Variants in VSX2 observed in about 807,000 individuals in gnomAD.
VSX2 encodes the protein visual system homeobox 2, also known as ceh-10 homeo domain containing homolog.
Under a neutral mutation model 32.1 loss-of-function variants are expected in VSX2, and 28 were observed. That is an observed-to-expected ratio of 0.87 (90% CI 0.65 to 1.20). The LOEUF is 1.20. VSX2 is among the 50% of genes most tolerant of loss of function. VSX2 has a pLI of 0.00. For synonymous variants in VSX2, 243 were observed against 214.1 expected, an observed-to-expected ratio of 1.14 and a Z score of -1.18; for missense variants, 506 against 488.7, an observed-to-expected ratio of 1.04 and a Z score of -0.33.
intron 3 of VSX2, among the ~76,000 whole-genome samples, chr14:74,257,584 A>G (rs1023815116): frequency 6.6e-6 from 1 of 152,170 alleles, no homozygotes; most frequent in Non-Finnish European, 1.5e-5. Context: ...GTGGGATGCG[A>G]GGCTGGCGGG....
rs111731888 is a variant in VSX2 at position 74,248,357 on chromosome 14, A to C, written c.579+3069A>C. ...GCTAAAAAAAAAAAAAAAAACAAAA[A>C]AAACCAAAAACGAGACCCTGTCTTG... On this transcript the variant is annotated intron_variant, in intron 3 of 4. Transcript: ENST00000261980. 7.8e-4 allele frequency among the ~76,000 whole-genome samples: 81 copies of C among 103,840 alleles called. 3 individuals carry two copies. The highest frequency in any genetic ancestry group is 4.3e-3 in the East Asian group (15 of 3,528). 68.1% of individuals were successfully genotyped at this position (103,840 alleles called of 152,430 possible).
At chr14:74,249,646 T>G (rs1350791093) in intron 3 of VSX2, among the ~76,000 whole-genome samples, 1 of 152,170 alleles carries the variant, frequency 6.6e-6, no homozygotes, top group Non-Finnish European at 1.5e-5. Flanking sequence ...ATGAAGAAAC[T>G]GAGGGGCTGA....
chr14:74,242,677 G>A lies in VSX2; in HGVS notation c.455+1411G>A, dbSNP rs890228596. Among the ~76,000 whole-genome samples the A allele has an allele frequency of 2.3e-3, 323 of 141,600 alleles. 3 individuals carry two copies. Among genetic ancestry groups the A allele is most frequent in the Non-Finnish European group, 4.2e-4 (28 of 65,910 alleles). 92.9% of individuals were successfully genotyped at this position (141,600 alleles called of 152,430 possible). A position where few individuals can be genotyped will look rare whatever the true frequency, so the allele number is the denominator to read the frequency against. ...GAATATTCATTAAAACACTTTTTATGCACCCATCTTACGCGGGTCCCAGGG... is the reference window on the plus strand; with the variant it reads ...GAATATTCATTAAAACACTTTTTATACACCCATCTTACGCGGGTCCCAGGG... On this transcript the variant is annotated intron_variant, in intron 2 of 4. Coordinates refer to ENST00000261980, the MANE Select transcript of VSX2 (RefSeq NM_182894.3).
Position 74,260,813 on chromosome 14 carries a change from C to G in VSX2, c.980C>G (p.Pro327Arg). ...STKVLGTVSG[P>R]DSLARSTEKP... ...AAAGTGCTGGGGACTGTGTCTGGGC[C>G]GGACAGCCTGGCCCGGAGTACCGAG... is the stretch of plus-strand genomic sequence containing the variant. Residue 327 changes from proline (P) to arginine (R), a missense_variant, in exon 5 of 5, where the codon CCG (proline) becomes CGG (arginine). Pro to Arg is a moderately radical substitution (Grantham distance 103). Transcript: ENST00000261980. 1 of 1,569,716 alleles carries G rather than the reference C, an allele frequency of 6.4e-7. No individual in the cohort carries two copies. The highest frequency in any genetic ancestry group is 1.4e-5 in the African/African-American group (1 of 74,070).
chr14:74,259,929 T>C, intron 4 of VSX2, 147 bp downstream of exon 4: 1 of 903,698 alleles, frequency 1.1e-6, no homozygotes, highest in South Asian at 1.8e-5. Flanking sequence ...TCTTGGTCTA[T>C]CCTGGGGGAC....
At chr14:74,258,070 A>G (rs1268693367) in intron 3 of VSX2, among the ~76,000 whole-genome samples, 1 of 151,800 alleles carries the variant, frequency 6.6e-6, no homozygotes, top group Admixed American at 6.6e-5. Flanking sequence ...GGAAGGGGGA[A>G]AATCCTAAAC....
Position 74,239,950 on chromosome 14 carries a change from C to T in VSX2, c.370+19C>T, listed in dbSNP as rs750311986. 2 of 1,551,634 alleles carry T rather than the reference C, an allele frequency of 1.3e-6. No homozygotes were observed. Among genetic ancestry groups the T allele is most frequent in the Non-Finnish European group, 1.7e-6 (2 of 1,148,208 alleles). ...AGCTCGGGTAGGTGAGGAGAGGTTG[C>T]GCTGCTGCCTGACTGGGGGGCGACA... is the stretch of plus-strand genomic sequence containing the variant. On this transcript the variant is annotated intron_variant, in intron 1 of 4. Transcript: ENST00000261980.
At chr14:74,242,187 G>T (rs1435868672) in intron 2 of VSX2, among the ~76,000 whole-genome samples, 1 of 151,914 alleles carries the variant, frequency 6.6e-6, no homozygotes, top group Non-Finnish European at 1.5e-5. Flanking sequence ...GGTGCTGCTC[G>T]CAGGTGCTGC....
chr14:74,246,423 T>C (rs2079192273), intron 3 of VSX2, among the ~76,000 whole-genome samples: 1 of 152,202 alleles, frequency 6.6e-6, no homozygotes, highest in Non-Finnish European at 1.5e-5. Flanking sequence ...TGTGAGGCCT[T>C]CCTCTCCCCT....
At chr14:74,250,589 G>C (rs1480749582) in intron 3 of VSX2, among the ~76,000 whole-genome samples, 1 of 152,144 alleles carries the variant, frequency 6.6e-6, no homozygotes, top group Non-Finnish European at 1.5e-5. Flanking sequence ...CCTGCCTAAG[G>C]GTAGGGAACA....
In VSX2 at chr14:74,245,196, C is replaced by G; in HGVS notation, c.487C>G (p.Leu163Val). The G allele has an allele frequency of 6.2e-7, 1 of 1,613,692 alleles. No individual in the cohort carries two copies. Among genetic ancestry groups the G allele is most frequent in the Middle Eastern group, 1.6e-4 (1 of 6,062 alleles). Reference protein sequence around the residue: ...TIFTSYQLEELEKAFNEAHYP... With the variant: ...TIFTSYQLEEVEKAFNEAHYP... The stretch of plus-strand genomic sequence containing the variant: ...CTTTACCTCCTACCAGCTAGAGGAG[C>G]TGGAGAAGGCATTCAACGAAGCCCA... Residue 163 changes from leucine to valine, a missense_variant, in exon 3 of 5, where the codon CTG becomes GTG. Transcript: ENST00000261980.
At chr14:74,245,524 G>C (rs1426116257) in intron 3 of VSX2, among the ~76,000 whole-genome samples, 1 of 152,128 alleles carries the variant, frequency 6.6e-6, no homozygotes, top group Non-Finnish European at 1.5e-5. Context: ...AGGCTTCCCG[G>C]GGAGTATGTC....
chr14:74,244,751 T>G (rs537400708), intron 2 of VSX2, among the ~76,000 whole-genome samples: 5 of 151,876 alleles, frequency 3.3e-5, no homozygotes, highest in Admixed American at 3.3e-4. Context: ...TCCAGAAAGA[T>G]TCCCAGTGTG....
Position 74,259,618 on chromosome 14 carries a change from G to A in VSX2, c.596G>A (p.Arg199His), listed in dbSNP as rs377740442. The change falls in exon 4 of 5, where the codon CGT becomes CAT. Residue 199 changes from arginine (R) to histidine (H), a missense_variant. Transcript: ENST00000261980. ...CACCTGCAGGTCTGGTTCCAGAACC[G>A]TCGAGCCAAGTGGAGGAAGCGGGAG... Reference protein sequence around the residue: ...EDRIQVWFQNRRAKWRKREKC... With the variant: ...EDRIQVWFQNHRAKWRKREKC... 22 of 1,614,048 alleles carry A rather than the reference G, an allele frequency of 1.4e-5. No individual in the cohort carries two copies. The highest frequency in any genetic ancestry group is 1.1e-4 in the South Asian group (10 of 91,094).
chr14:74,239,898 G>A lies in VSX2; in HGVS notation c.337G>A (p.Gly113Arg), dbSNP rs1482099110. The change falls in exon 1 of 5, where the codon GGG becomes AGG. Residue 113 changes from glycine to arginine, a missense_variant. Physicochemically the swap from Gly to Arg is moderately radical, Grantham distance 125 (BLOSUM62 -2). Coordinates refer to ENST00000261980, the MANE Select transcript of VSX2 (RefSeq NM_182894.3). ...VHLQPLGRAS[G>R]PLDTSQTASS... Reference sequence around the variant, plus strand: ...CTTGCAGCCATTGGGCAGAGCATCGGGGCCGCTGGACACCAGCCAGACGGC... The same window carrying A: ...CTTGCAGCCATTGGGCAGAGCATCGAGGCCGCTGGACACCAGCCAGACGGC... 1.3e-6 allele frequency: 2 copies of A among 1,571,810 alleles called. No individual in the cohort carries two copies. Among genetic ancestry groups the A allele is most frequent in the South Asian group, 1.2e-5 (1 of 85,780 alleles).
chr14:74,239,640 G>GCCAGGTGC lies in VSX2; in HGVS notation c.80_87dup (p.Thr30ProfsTer14). The GCCAGGTGC allele has an allele frequency of 6.4e-7, 1 of 1,550,902 alleles. No homozygotes were observed. Among genetic ancestry groups the GCCAGGTGC allele is most frequent in the Non-Finnish European group, 8.7e-7 (1 of 1,146,938 alleles). On this transcript the variant is annotated frameshift_variant, in exon 1 of 5. Coordinates refer to ENST00000261980, the MANE Select transcript of VSX2 (RefSeq NM_182894.3). LOFTEE classifies it high-confidence loss of function. ...CAAGAGTACCTCGGGGGGCGCCCCG[G>GCCAGGTGC]CCAGGTGCACTGGGTTCGGCATCCA...
chr14:74,244,742 C>T (rs1242633629), intron 2 of VSX2, among the ~76,000 whole-genome samples: 1 of 151,744 alleles, frequency 6.6e-6, no homozygotes, highest in Non-Finnish European at 1.5e-5. Flanking sequence ...CAGAGCACCT[C>T]CAGAAAGATT....
intron 3 of VSX2, among the ~76,000 whole-genome samples, chr14:74,246,117 G>C (rs1456806770): frequency 1.3e-5 from 2 of 152,250 alleles, no homozygotes; most frequent in African/African-American, 2.4e-5. Flanking sequence ...CAGAAGGAGT[G>C]GGGTGGGAGG....
Position 74,260,752 on chromosome 14 carries a change from G to A in VSX2, c.919G>A (p.Ala307Thr). 1.3e-6 allele frequency: 2 copies of A among 1,590,210 alleles called. No homozygotes were observed. The highest frequency in any genetic ancestry group is 1.1e-5 in the South Asian group (1 of 87,366). ...GGAGGAACTGAGGGAGAACAGCATT[G>A]CGGTGCTCCGGGCCAAAGCTCAGGA... ...SQEELRENSIAVLRAKAQEHS... is the reference protein window; with the variant it reads ...SQEELRENSITVLRAKAQEHS... The change falls in exon 5 of 5, where the codon GCG becomes ACG. Residue 307 changes from alanine (A) to threonine (T), a missense_variant. Transcript: ENST00000261980.
Sources: gnomAD v4.1 joint callset for allele counts (sites outside exome capture counted in the v4.1 genomes callset) on GRCh38, gnomAD v4.1.1 for gene constraint, MANE v1.5 for transcripts, NCBI Gene and HGNC (gene_info 2026-07-23, HGNC 2026-07-21) for gene names.